NRXN2: variants seen among roughly 807,000 people sequenced by gnomAD.
NRXN2 encodes neurexin-2-beta.
In NRXN2, 29 loss-of-function variants were observed where a neutral mutation model predicts 128.8. That is an observed-to-expected ratio of 0.23 (90% CI 0.17 to 0.31). The LOEUF is 0.31. NRXN2 is among the 10% of genes least tolerant of loss of function. NRXN2 has a pLI of 1.00. For synonymous variants in NRXN2, 1,098 were observed against 1,075.2 expected, an observed-to-expected ratio of 1.02 and a Z score of -0.41; for missense variants, 1,881 against 2,452.6, an observed-to-expected ratio of 0.77 and a Z score of 4.92.
At chr11:64,704,546 T>C (rs2055946449) in intron 2 of NRXN2, among the ~76,000 whole-genome samples, 1 of 147,608 alleles carries the variant, frequency 6.8e-6, no homozygotes, top group Non-Finnish European at 1.5e-5. Flanking sequence ...CTACTGTTAG[T>C]GACACACAAT....
intron 1 of NRXN2, among the ~76,000 whole-genome samples, chr11:64,715,833 C>T (rs1248924728): frequency 6.6e-6 from 1 of 152,212 alleles, no homozygotes; most frequent in Non-Finnish European, 1.5e-5. Context: ...GCCACTGCCT[C>T]TCCTCATTGG....
chr11:64,708,345 A>C (rs1031247380), intron 2 of NRXN2, among the ~76,000 whole-genome samples: 1 of 152,202 alleles, frequency 6.6e-6, no homozygotes, highest in Non-Finnish European at 1.5e-5. Context: ...GAACACCTGC[A>C]TCATCACTCC....
chr11:64,686,125 C>T (rs1326715987), intron 5 of NRXN2, among the ~76,000 whole-genome samples, 178 bp from the exon 6 acceptor site: 1 of 152,110 alleles, frequency 6.6e-6, no homozygotes, highest in Non-Finnish European at 1.5e-5. Context: ...TCTCAGGACC[C>T]TGCCGTCTCT....
chr11:64,682,785 A>C (rs1330300933), intron 6 of NRXN2, among the ~76,000 whole-genome samples: 1 of 152,190 alleles, frequency 6.6e-6, no homozygotes, highest in Non-Finnish European at 1.5e-5. Flanking sequence ...GGGAATCCTC[A>C]GAGGTAATAA....
intron 14 of NRXN2, 145 bp from the exon 15 acceptor site, chr11:64,650,783 C>T: frequency 1.3e-6 from 1 of 740,866 alleles, no homozygotes; most frequent in Non-Finnish European, 2.3e-6. Flanking sequence ...GCGACCAAAA[C>T]CAATGGCAAG....
chr11:64,722,047 A>G (rs1217230413), intron 1 of NRXN2, among the ~76,000 whole-genome samples: 1 of 152,094 alleles, frequency 6.6e-6, no homozygotes, highest in African/African-American at 2.4e-5. Context: ...CCAAAAGCCC[A>G]TCAAGGGTTC....
rs1223453847 is a variant in NRXN2 at position 64,652,049 on chromosome 11, T to C, written c.2522A>G (p.Asn841Ser). ...RGKSLQLSVDNVTVEGQMAGA... is the reference protein window; with the variant it reads ...RGKSLQLSVDSVTVEGQMAGA... Reference sequence around the variant, plus strand: ...AGACCACCTACCCTCCACAGTCACGTTGTCCACAGACAGCTGCAGGCTCTT... The same window carrying C: ...AGACCACCTACCCTCCACAGTCACGCTGTCCACAGACAGCTGCAGGCTCTT... Residue 841 changes from asparagine to serine, a missense_variant, in exon 13 of 23, where the codon AAC (asparagine) becomes AGC (serine). Physicochemically the swap from Asn to Ser is conservative, Grantham distance 46. Around this residue, in one of 7 missense-constraint regions of NRXN2, gnomAD observed 997 missense variants for 1,240.8 expected, o/e 0.80. Coordinates refer to ENST00000265459, the MANE Select transcript of NRXN2 (RefSeq NM_015080.4). 4 of 1,612,636 alleles carry C rather than the reference T, an allele frequency of 2.5e-6. No individual in the cohort carries two copies. The highest frequency in any genetic ancestry group is 3.4e-6 in the Non-Finnish European group (4 of 1,179,982).
intron 3 of NRXN2, among the ~76,000 whole-genome samples, chr11:64,695,911 T>G (rs1277934956): frequency 6.6e-6 from 1 of 152,004 alleles, no homozygotes; most frequent in South Asian, 2.1e-4. Context: ...TTCCTGTCTA[T>G]CAGCCCCTTT....
intron 17 of NRXN2, among the ~76,000 whole-genome samples, chr11:64,639,923 C>T (rs2045407028): frequency 6.6e-6 from 1 of 152,130 alleles, no homozygotes; most frequent in Non-Finnish European, 1.5e-5. Flanking sequence ...CAAGAAGAGC[C>T]TGTCTTTTCA....
intron 2 of NRXN2, among the ~76,000 whole-genome samples, chr11:64,703,661 T>C (rs932723083): frequency 9.2e-5 from 14 of 152,310 alleles, no homozygotes; most frequent in African/African-American, 3.1e-4. Flanking sequence ...TAGGCTACTC[T>C]CCTGGTGGGA....
Position 64,651,522 on chromosome 11 carries a change from C to A in NRXN2, c.2651G>T (p.Gly884Val). ...VPSNFIGHLS[G>V]LVFNGQPYMD... ...GTAGGGCTGGCCATTGAACACGAGC[C>A]CACTCAGATGCCCGATGAAGTTGGA... The change falls in exon 14 of 23, where the codon GGG (glycine) becomes GTG (valine). Residue 884 changes from glycine (G) to valine (V), a missense_variant. Gly to Val is a moderately radical substitution (Grantham distance 109, BLOSUM62 -3). Coordinates refer to ENST00000265459, the MANE Select transcript of NRXN2 (RefSeq NM_015080.4). This position sits in a 1 kb window ranked among gnomAD's most constrained non-coding sequence, Gnocchi z 5.9. The A allele has an allele frequency of 1.2e-6, 2 of 1,614,168 alleles. No individual in the cohort carries two copies. Among genetic ancestry groups the A allele is most frequent in the Non-Finnish European group, 1.7e-6 (2 of 1,180,016 alleles).
In NRXN2 at chr11:64,651,977, C is replaced by A; in HGVS notation, c.2536+58G>T. The A allele has an allele frequency of 6.2e-7, 1 of 1,602,816 alleles. No individual in the cohort carries two copies. The highest frequency in any genetic ancestry group is 1.3e-5 in the African/African-American group (1 of 75,002). ...CCCAGGCAGTAGTCACCAAGTAGAACAGGGCCAAGCATAGGTCACTGGAGA... is the reference window on the plus strand; with the variant it reads ...CCCAGGCAGTAGTCACCAAGTAGAAAAGGGCCAAGCATAGGTCACTGGAGA... On this transcript the variant is annotated intron_variant, in intron 13 of 22. Coordinates refer to ENST00000265459, the MANE Select transcript of NRXN2 (RefSeq NM_015080.4). This position sits in a 1 kb window ranked among gnomAD's most constrained non-coding sequence, Gnocchi z 5.9.
chr11:64,652,286 C>T, intron 12 of NRXN2, 132 bp from the exon 13 acceptor site: 1 of 1,228,802 alleles, frequency 8.1e-7, no homozygotes, highest in East Asian at 2.6e-5. Flanking sequence ...TGACCAGTGG[C>T]TCATATTTGG....
At chr11:64,699,234 A>G (rs2135612305) in intron 2 of NRXN2, among the ~76,000 whole-genome samples, 1 of 152,010 alleles carries the variant, frequency 6.6e-6, no homozygotes, top group South Asian at 2.1e-4. Flanking sequence ...CACACACACC[A>G]CCACCCCACA....
chr11:64,693,891 C>T (rs1029329753), intron 3 of NRXN2, among the ~76,000 whole-genome samples: 1 of 152,152 alleles, frequency 6.6e-6, no homozygotes, highest in Non-Finnish European at 1.5e-5. Context: ...CAGGACCTCT[C>T]TCAAATGACC....
intron 6 of NRXN2, among the ~76,000 whole-genome samples, chr11:64,683,444 AC>A (rs2052576616): frequency 6.6e-6 from 1 of 151,994 alleles, no homozygotes; most frequent in Non-Finnish European, 1.5e-5. Context: ...ATATGGTGAA[AC>A]CCCATCTCTA....
At chr11:64,642,946 G>A in intron 17 of NRXN2, 1 of 1,021,952 alleles carries the variant, frequency 9.8e-7, no homozygotes, top group Non-Finnish European at 1.2e-6. Flanking sequence ...CCCAAGCCTC[G>A]GTCCGGAGCC....
chr11:64,642,488 G>A (rs1565265633), intron 17 of NRXN2: 2 of 1,562,422 alleles, frequency 1.3e-6, no homozygotes. Flanking sequence ...CACGGGAAGC[G>A]CCCCCCGCCC....
intron 6 of NRXN2, among the ~76,000 whole-genome samples, chr11:64,685,245 C>T (rs2052855583): frequency 6.6e-6 from 1 of 152,152 alleles, no homozygotes. Flanking sequence ...TCCACAGGAA[C>T]CCCTCCCCAC....
Sources: allele counts gnomAD v4.1 joint callset (sites outside exome capture counted in the v4.1 genomes callset), GRCh38; gene constraint gnomAD v4.1.1; regional missense constraint gnomAD v4.1.1; non-coding constraint Gnocchi (gnomAD v3.1); transcripts MANE v1.5; gene names NCBI Gene and HGNC (gene_info 2026-07-23, HGNC 2026-07-21).